The following COL6A6 variants were observed in gnomAD, a reference collection of about 807,000 sequenced individuals.
COL6A6 encodes the protein collagen alpha-6(VI) chain.
COL6A6 carries 183 observed loss-of-function variants against 208.6 expected under a neutral mutation model. The observed-to-expected ratio is 0.88, with a 90% confidence interval of 0.78 to 0.99. The LOEUF (loss-of-function observed/expected upper bound fraction) is 0.99. COL6A6 is among the 50% of genes least tolerant of loss of function. The pLI, the probability that COL6A6 is intolerant of heterozygous loss-of-function variation, is 0.00. For missense variants in COL6A6, 2,816 were observed against 2,815.2 expected (o/e 1.00, Z -0.01); for synonymous variants, 973 against 1,011.8 (o/e 0.96, Z 0.73).
At chr3:130,599,628 CAAAGG>C in intron 19 of COL6A6, 124 bp from the exon 20 acceptor site, 1 of 859,114 alleles carries the variant, frequency 1.2e-6, no homozygotes, top group South Asian at 1.6e-5. Context: ...TGCCATTTTC[CAAAGG>C]AAAGGTAACT....
At chr3:130,647,928 T>G (rs534249841) in intron 32 of COL6A6, among the ~76,000 whole-genome samples, 1 of 152,242 alleles carries the variant, frequency 6.6e-6, no homozygotes, top group Non-Finnish European at 1.5e-5. Context: ...TGCAAAGAAC[T>G]GCTCTTTGTT....
chr3:130,662,361 C>G, intron 35 of COL6A6, 53 bp downstream of exon 35: 1 of 1,518,972 alleles, frequency 6.6e-7, no homozygotes, highest in South Asian at 1.2e-5. Context: ...CTTGGTATTA[C>G]TAAAAAAAGG....
chr3:130,526,008 T>A (rs1384008928), intron 1 of COL6A6, among the ~76,000 whole-genome samples: 1 of 151,930 alleles, frequency 6.6e-6, no homozygotes, highest in African/African-American at 2.4e-5. Context: ...TTTTTTTTAA[T>A]GTACAAACCC....
Position 130,675,482 on chromosome 3 carries a change from C to A in COL6A6, c.*85C>A. The A allele has an allele frequency of 2.0e-6, 2 of 1,019,616 alleles. No individual in the cohort carries two copies. Among genetic ancestry groups the A allele is most frequent in the Non-Finnish European group, 1.4e-6 (1 of 710,556 alleles). The allele number at this position is 1,019,616 out of a possible 1,614,324, so 63.2% of individuals were successfully genotyped here. On this transcript the variant is annotated 3_prime_UTR_variant, in exon 37 of 37. Coordinates refer to ENST00000358511, the MANE Select transcript of COL6A6 (RefSeq NM_001102608.3). ...ACTAAATCTGCTGCCAGAACTCAAG[C>A]AACAGTTTGTAGGTTATCAGGTGAC...
chr3:130,568,670 C>T, intron 6 of COL6A6, 66 bp downstream of exon 6: 1 of 1,364,194 alleles, frequency 7.3e-7, no homozygotes, highest in East Asian at 2.3e-5. Context: ...GCCTCTATTT[C>T]TTGAATTTAA....
chr3:130,576,498 A>G (rs1388948462), intron 8 of COL6A6, among the ~76,000 whole-genome samples: 1 of 152,156 alleles, frequency 6.6e-6, no homozygotes, highest in Non-Finnish European at 1.5e-5. Flanking sequence ...TTCCACATTA[A>G]TTTCTTGTTT....
chr3:130,596,647 G>A (rs1010341214), intron 18 of COL6A6, among the ~76,000 whole-genome samples: 3 of 152,148 alleles, frequency 2.0e-5, no homozygotes, highest in East Asian at 1.9e-4. Flanking sequence ...ACATGGAAGT[G>A]CATTTGGCTG....
chr3:130,641,703 C>T lies in COL6A6; in HGVS notation c.5143C>T (p.Pro1715Ser). The change falls in exon 29 of 37, where the codon CCT (proline) becomes TCT (serine). Residue 1715 changes from proline (P) to serine (S), a missense_variant. Transcript: ENST00000358511. Reference protein sequence around the residue: ...EMGSPGEPGPPGRKGVKGAKG... With the variant: ...EMGSPGEPGPSGRKGVKGAKG... ...GGGATCCCCTGGGGAACCAGGACCT[C>T]CTGGACGTAAGGTAAGTAGAAAAAC... 1 of 1,594,086 alleles carries T rather than the reference C, an allele frequency of 6.3e-7. No individual in the cohort carries two copies. The highest frequency in any genetic ancestry group is 8.6e-7 in the Non-Finnish European group (1 of 1,163,524).
Position 130,586,762 on chromosome 3 carries a change from G to A in COL6A6, c.4125+102G>A, listed in dbSNP as rs2063551874. On this transcript the variant is annotated intron_variant, in intron 11 of 36. Transcript: ENST00000358511. ...ATTTGAACTTACTGTGTTTATTTGG[G>A]AGTGAAGAAAGGTTTTTATGAATTA... The A allele has an allele frequency of 1.4e-5, 17 of 1,197,768 alleles. No homozygotes were observed. The Admixed American group carries it at 1.7e-4, about 12-fold the overall frequency. 74.2% of individuals were successfully genotyped at this position (1,197,768 alleles called of 1,614,324 possible).
intron 5 of COL6A6, among the ~76,000 whole-genome samples, chr3:130,567,646 A>G (rs1042195227): frequency 6.6e-6 from 1 of 152,184 alleles, no homozygotes; most frequent in Non-Finnish European, 1.5e-5. Context: ...TCCTGTTTTC[A>G]ACCAGGAGTG....
At position 130,647,457 on chromosome 3, in the gene COL6A6, T is replaced by C. The variant is rs1406528489; in HGVS notation, c.5240-1612T>C. On this transcript the variant is annotated intron_variant, in intron 32 of 36. Transcript: ENST00000358511. Reference sequence around the variant, plus strand: ...TCATGTTTAGTTCTACTGACTTTTTTAAACGATAAAAGTGACACGTCCATT... The same window carrying C: ...TCATGTTTAGTTCTACTGACTTTTTCAAACGATAAAAGTGACACGTCCATT... Among the ~76,000 whole-genome samples the C allele has an allele frequency of 3.3e-5, 5 of 152,238 alleles. No homozygotes were observed. The South Asian group carries it at 1.0e-3, about 31-fold the overall frequency.
chr3:130,617,160 C>A (rs2064555955), intron 23 of COL6A6, among the ~76,000 whole-genome samples: 1 of 152,120 alleles, frequency 6.6e-6, no homozygotes, highest in African/African-American at 2.4e-5. Context: ...GGTCCATTAG[C>A]CATTCCTTTT....
chr3:130,669,460 A>T (rs1235960469), intron 36 of COL6A6, among the ~76,000 whole-genome samples: 1 of 151,814 alleles, frequency 6.6e-6, no homozygotes, highest in East Asian at 1.9e-4. Flanking sequence ...AAGGGAATAA[A>T]TAAATAATGG....
At chr3:130,550,111 T>A (rs1011371553) in intron 1 of COL6A6, among the ~76,000 whole-genome samples, 1 of 152,174 alleles carries the variant, frequency 6.6e-6, no homozygotes, top group Non-Finnish European at 1.5e-5. Context: ...TCATCTTGGA[T>A]GCTGTTAGTA....
chr3:130,604,265 G>A (rs964462721), intron 20 of COL6A6, among the ~76,000 whole-genome samples: 12 of 151,814 alleles, frequency 7.9e-5, no homozygotes, highest in East Asian at 3.9e-4. Context: ...AGGCTCAGGC[G>A]GGCGGATCAT....
chr3:130,528,918 C>G (rs1482676472), intron 1 of COL6A6, among the ~76,000 whole-genome samples: 1 of 152,154 alleles, frequency 6.6e-6, no homozygotes, highest in East Asian at 1.9e-4. Flanking sequence ...GTTGCATAAC[C>G]CTCTCTCTCC....
chr3:130,634,649 A>G, intron 27 of COL6A6, 24 bp downstream of exon 27: 1 of 1,583,586 alleles, frequency 6.3e-7, no homozygotes, highest in Non-Finnish European at 8.6e-7. Flanking sequence ...CCTAGTAACT[A>G]GAGATCAGTC....
intron 36 of COL6A6, among the ~76,000 whole-genome samples, chr3:130,670,400 T>A (rs114641759): frequency 0.02 from 3,031 of 152,340 alleles, 99 homozygotes; most frequent in African/African-American, 0.068. Flanking sequence ...TGGGGTTTAG[T>A]GCTCTACAGT....
intron 32 of COL6A6, among the ~76,000 whole-genome samples, chr3:130,646,809 G>A (rs539870703): frequency 1.3e-5 from 2 of 152,306 alleles, no homozygotes; most frequent in East Asian, 3.9e-4. Flanking sequence ...TTGTGATGGG[G>A]TGGGTATTAA....
Sources: allele counts gnomAD v4.1 joint callset (sites outside exome capture counted in the v4.1 genomes callset), GRCh38; gene constraint gnomAD v4.1.1; transcripts MANE v1.5; gene names NCBI Gene and HGNC (gene_info 2026-07-23, HGNC 2026-07-21).